DUXB: variants seen among roughly 807,000 people sequenced by gnomAD.
DUXB encodes the protein double homeobox protein B.
In DUXB, 22 loss-of-function variants were observed where a neutral mutation model predicts 8.9. The observed-to-expected ratio is 2.46, with a 90% CI of 1.76 to 3.52. The LOEUF (loss-of-function observed/expected upper bound fraction) is 3.52, where lower values mean the gene tolerates loss of function less well. DUXB is among the 30% of genes most tolerant of loss of function. The pLI is 0.00. For missense variants in DUXB, 237 were observed against 108.7 expected (o/e 2.18, Z -5.25); for synonymous variants, 84 against 37.6 (o/e 2.23, Z -4.52).
intron 4 of DUXB, among the ~76,000 whole-genome samples, chr16:75,695,435 CCT>C (rs1350540128): frequency 6.6e-6 from 1 of 152,204 alleles, no homozygotes; most frequent in East Asian, 1.9e-4. Context: ...GGCTGTGCCT[CCT>C]CAGTCATGAG....
chr16:75,696,461 A>G (rs2082608195), intron 3 of DUXB, among the ~76,000 whole-genome samples: 1 of 152,238 alleles, frequency 6.6e-6, no homozygotes, highest in African/African-American at 2.4e-5. Context: ...CTGAGGCAGA[A>G]GAATCACTTG....
chr16:75,699,548 G>GTTTTC (rs907084836), intron 2 of DUXB, among the ~76,000 whole-genome samples: 1 of 149,764 alleles, frequency 6.7e-6, no homozygotes, highest in Non-Finnish European at 1.5e-5. Flanking sequence ...GTTTTTATTT[G>GTTTTC]TTTTCTTTTC....
At chr16:75,698,913 G>A (rs763400601) in intron 2 of DUXB, 2 of 152,190 alleles carry the variant, frequency 1.3e-5, no homozygotes, top group African/African-American at 4.8e-5. Context: ...GTGCAATCAC[G>A]GCTTACTGCA....
In DUXB at chr16:75,696,830, A is replaced by G. The variant is rs1454996304; in HGVS notation, c.286+8T>C. The G allele has an allele frequency of 5.7e-6, 4 of 702,114 alleles. No individual in the cohort carries two copies. In the East Asian group the frequency reaches 8.1e-5, roughly 14 times the overall value. The allele number at this position is 702,114 out of a possible 1,614,324, so 43.5% of individuals were successfully genotyped here. A position where few individuals can be genotyped will look rare whatever the true frequency, so the allele number is the denominator to read the frequency against. On this transcript the variant is annotated splice_region_variant and intron_variant, in intron 3 of 4. Coordinates refer to ENST00000633875, the MANE Select transcript of DUXB (RefSeq NM_001351307.2). ...GTACTCTCAATGGGACCCATTGAGC[A>G]TTCTTACCTTGAGTCAGATGCTGGG...
intron 3 of DUXB, among the ~76,000 whole-genome samples, chr16:75,696,627 G>A (rs1314329854): frequency 6.6e-6 from 1 of 152,174 alleles, no homozygotes; most frequent in East Asian, 1.9e-4. Flanking sequence ...TCATTCAATT[G>A]TGGGAGGCCG....
intron 4 of DUXB, among the ~76,000 whole-genome samples, chr16:75,695,760 G>A (rs1361605117): frequency 6.6e-6 from 1 of 152,216 alleles, no homozygotes; most frequent in Admixed American, 6.5e-5. Context: ...TTCTGCTAGT[G>A]ATTCCAAATC....
Position 75,701,432 on chromosome 16 carries a change from C to A in DUXB, c.-14G>T. The A allele has an allele frequency of 7.5e-6, 3 of 398,624 alleles. No homozygotes were observed. The highest frequency in any genetic ancestry group is 1.3e-5 in the Non-Finnish European group (3 of 226,066). 24.7% of individuals were successfully genotyped at this position (398,624 alleles called of 1,614,324 possible). The stretch of plus-strand genomic sequence containing the variant: ...CTCCAAATTCATCTTGGGCAGAAGA[C>A]CTGGACTCCACGGAGATCAGCGAGT... On this transcript the variant is annotated 5_prime_UTR_variant, in exon 1 of 5. Coordinates refer to ENST00000633875, the MANE Select transcript of DUXB (RefSeq NM_001351307.2).
At position 75,693,996 on chromosome 16, in the gene DUXB, A is replaced by G; in HGVS notation, c.971T>C (p.Leu324Ser). The G allele has an allele frequency of 2.5e-6, 1 of 401,182 alleles. No homozygotes were observed. Among genetic ancestry groups the G allele is most frequent in the Non-Finnish European group, 4.4e-6 (1 of 228,160 alleles). The allele number at this position is 401,182 out of a possible 1,614,324, so 24.9% of individuals were successfully genotyped here. ...NLGQFDISNI[L>S]QRWDEICQAL... is the part of the protein sequence containing the mutation. ...CTGGCAGATCTCGTCCCACCTTTGC[A>G]AAATGTTCGATATGTCAAACTGACC... is the stretch of plus-strand genomic sequence containing the variant. The change falls in exon 5 of 5, where the codon TTG (leucine) becomes TCG (serine). Residue 324 changes from leucine to serine, a missense_variant. Physicochemically the swap from Leu to Ser is moderately radical, Grantham distance 145 (BLOSUM62 -2). Coordinates refer to ENST00000633875, the MANE Select transcript of DUXB (RefSeq NM_001351307.2).
At chr16:75,697,002 A>G (rs1051684523) in intron 2 of DUXB, 59 bp from the exon 3 acceptor site, 1 of 674,772 alleles carries the variant, frequency 1.5e-6, no homozygotes, top group Non-Finnish European at 2.7e-6. Flanking sequence ...ATATTGCCAA[A>G]TATCAATTCA....
chr16:75,696,156 C>A lies in DUXB; in HGVS notation c.287-41G>T, dbSNP rs926573334. 7 of 695,468 alleles carry A rather than the reference C, an allele frequency of 1.0e-5. No individual in the cohort carries two copies. In the African/African-American group the frequency reaches 1.2e-4, roughly 12 times the overall value. 43.1% of individuals were successfully genotyped at this position (695,468 alleles called of 1,614,324 possible). The stretch of plus-strand genomic sequence containing the variant: ...GAAGCTGTTGGGGAATTTTCATATT[C>A]AAACCAGAAAAACAAACCCATGAAG... On this transcript the variant is annotated intron_variant, in intron 3 of 4. Coordinates refer to ENST00000633875, the MANE Select transcript of DUXB (RefSeq NM_001351307.2).
Position 75,701,447 on chromosome 16 carries a change from G to T in DUXB, c.-29C>A. ...GGGCAGAAGACCTGGACTCCACGGAGATCAGCGAGTAACTGAGCAGCTCTC... is the reference window on the plus strand; with the variant it reads ...GGGCAGAAGACCTGGACTCCACGGATATCAGCGAGTAACTGAGCAGCTCTC... On this transcript the variant is annotated 5_prime_UTR_variant, in exon 1 of 5. Transcript: ENST00000633875. 3 of 398,578 alleles carry T rather than the reference G, an allele frequency of 7.5e-6. No homozygotes were observed. Among genetic ancestry groups the T allele is most frequent in the Non-Finnish European group, 1.3e-5 (3 of 226,054 alleles). 24.7% of individuals were successfully genotyped at this position (398,578 alleles called of 1,614,324 possible).
At chr16:75,699,486 G>A (rs1959199057) in intron 2 of DUXB, among the ~76,000 whole-genome samples, 1 of 152,012 alleles carries the variant, frequency 6.6e-6, no homozygotes, top group Admixed American at 6.5e-5. Context: ...TTCCCCATTA[G>A]TGAATACAAA....
At chr16:75,697,976 T>C (rs77067538) in intron 2 of DUXB, among the ~76,000 whole-genome samples, 11,494 of 152,132 alleles carry the variant, frequency 0.076, 697 homozygotes, top group African/African-American at 0.16. Context: ...ACCCACCCCC[T>C]CTTGTCTGTG....
At chr16:75,697,401 A>G (rs1282274515) in intron 2 of DUXB, among the ~76,000 whole-genome samples, 1 of 152,234 alleles carries the variant, frequency 6.6e-6, no homozygotes, top group Non-Finnish European at 1.5e-5. Flanking sequence ...TAGCCACAGT[A>G]AAGAGTTGGA....
At chr16:75,699,144 T>C (rs1350660724) in intron 2 of DUXB, among the ~76,000 whole-genome samples, 1 of 152,196 alleles carries the variant, frequency 6.6e-6, no homozygotes, top group Admixed American at 6.5e-5. Context: ...CCCTACCCAG[T>C]CCAGGTATCT....
intron 3 of DUXB, 48 bp downstream of exon 3, chr16:75,696,790 G>T (rs2082611056): frequency 1.5e-6 from 1 of 681,080 alleles, no homozygotes. Context: ...TGTTGATGCA[G>T]AATTTGGGCA....
Position 75,696,114 on chromosome 16 carries a change from T to C in DUXB, c.288A>G (p.Glu96=). The C allele has an allele frequency of 1.4e-6, 1 of 697,942 alleles. No individual in the cohort carries two copies. The highest frequency in any genetic ancestry group is 2.6e-6 in the Non-Finnish European group (1 of 384,620). 43.2% of individuals were successfully genotyped at this position (697,942 alleles called of 1,614,324 possible). The change falls in exon 4 of 5, where the codon GAA becomes GAG. Residue 96 remains glutamate (E), a splice_region_variant and synonymous_variant. Coordinates refer to ENST00000633875, the MANE Select transcript of DUXB (RefSeq NM_001351307.2). ...GHDQSQHLTQ[E]YLPKEARQKQ... ...TTTGTCGGGCTTCTTTAGGTAAGTA[T>C]TCTAAAGGAGAACACAGAAGCTGTT...
chr16:75,697,180 C>G (rs1350569082), intron 2 of DUXB, among the ~76,000 whole-genome samples: 5 of 152,126 alleles, frequency 3.3e-5, no homozygotes, highest in Admixed American at 2.6e-4. Context: ...TTGTGGCATC[C>G]AGAGTAAATT....
chr16:75,694,037 T>G lies in DUXB; in HGVS notation c.930A>C (p.Gln310His). 1 of 404,056 alleles carries G rather than the reference T, an allele frequency of 2.5e-6. No individual in the cohort carries two copies. Among genetic ancestry groups the G allele is most frequent in the Admixed American group, 4.3e-5 (1 of 23,094 alleles). 25.0% of individuals were successfully genotyped at this position (404,056 alleles called of 1,614,324 possible). The change falls in exon 5 of 5, where the codon CAA (glutamine) becomes CAC (histidine). Residue 310 changes from glutamine to histidine, a missense_variant. By Grantham distance (24) the Gln-to-His change is conservative (BLOSUM62 0). Transcript: ENST00000633875. ...CAAACTGACCCAGATTTAGAGGTTG[T>G]TGCTCCCTGTGCTCAGGTTCAGGCT... is the stretch of plus-strand genomic sequence containing the variant. ...HSQPEPEHRE[Q>H]QPLNLGQFDI...
Sources: gnomAD v4.1 joint callset for allele counts (sites outside exome capture counted in the v4.1 genomes callset) on GRCh38, gnomAD v4.1.1 for gene constraint, MANE v1.5 for transcripts, NCBI Gene and HGNC (gene_info 2026-07-23, HGNC 2026-07-21) for gene names.